The following SLC12A8 variants were observed in gnomAD, a reference collection of about 807,000 sequenced individuals.
SLC12A8 encodes solute carrier family 12 member 8, also known as cation-chloride cotransporter 9.
Under a neutral mutation model 75.6 loss-of-function variants are expected in SLC12A8, and 69 were observed. The ratio of observed to expected loss-of-function variants is 0.91; its 90% confidence interval spans 0.75 to 1.11. SLC12A8 has a LOEUF of 1.11. Among genes scored for constraint, SLC12A8 ranks in the 50% most tolerant of loss-of-function variants. SLC12A8 has a pLI of 0.00. For synonymous variants in SLC12A8, 365 were observed against 372.8 expected (o/e 0.98, Z 0.24); for missense variants, 877 against 896.7 (o/e 0.98, Z 0.28).
chr3:125,104,191 G>C (rs778012339), intron 10 of SLC12A8, among the ~76,000 whole-genome samples: 18 of 151,858 alleles, frequency 1.2e-4, no homozygotes, highest in Non-Finnish European at 1.9e-4. Context: ...TTGTAACTTT[G>C]AATTTCTGGG....
chr3:125,140,659 C>T (rs1005514145), intron 5 of SLC12A8, among the ~76,000 whole-genome samples: 1 of 152,188 alleles, frequency 6.6e-6, no homozygotes, highest in Non-Finnish European at 1.5e-5. Flanking sequence ...CACACTGACC[C>T]TCTGTAATCC....
chr3:125,092,760 C>G (rs1482040758), intron 10 of SLC12A8, among the ~76,000 whole-genome samples: 1 of 152,174 alleles, frequency 6.6e-6, no homozygotes, highest in African/African-American at 2.4e-5. Flanking sequence ...TGGCAATAAA[C>G]AAATGCATGA....
intron 12 of SLC12A8, among the ~76,000 whole-genome samples, chr3:125,090,795 C>T (rs1579460869): frequency 6.6e-6 from 1 of 152,072 alleles, no homozygotes; most frequent in Non-Finnish European, 1.5e-5. Flanking sequence ...TTACTTTTAA[C>T]ATGTTTGTGT....
At chr3:125,204,432 C>T (rs997731009) in intron 2 of SLC12A8, among the ~76,000 whole-genome samples, 4 of 152,096 alleles carry the variant, frequency 2.6e-5, no homozygotes, top group South Asian at 2.1e-4. Flanking sequence ...TGTGCAGCAA[C>T]GTGGATGGAA....
chr3:125,087,282 G>A (rs984854535), intron 13 of SLC12A8, among the ~76,000 whole-genome samples: 4 of 151,960 alleles, frequency 2.6e-5, no homozygotes, highest in African/African-American at 9.7e-5. Context: ...TAGTAGAGAT[G>A]GGGTTTCACT....
chr3:125,152,495 C>T (rs1409862580), intron 5 of SLC12A8, among the ~76,000 whole-genome samples: 6 of 152,086 alleles, frequency 3.9e-5, no homozygotes, highest in Non-Finnish European at 7.4e-5. Flanking sequence ...TTTATTTCTG[C>T]CAGTTCAAGA....
At position 125,207,976 on chromosome 3, in the gene SLC12A8, T is replaced by C. The variant is rs75928782; in HGVS notation, c.51+3323A>G. The stretch of plus-strand genomic sequence containing the variant: ...TTTAATCTCATAAAAACCCTGAGAA[T>C]CAGGTCCACTCACCCCATCACATAG... On this transcript the variant is annotated intron_variant, in intron 2 of 13. Coordinates refer to ENST00000469902, the MANE Select transcript of SLC12A8 (RefSeq NM_024628.6). 4.8e-3 allele frequency among the ~76,000 whole-genome samples: 731 copies of C among 152,280 alleles called. 4 individuals carry two copies. The highest frequency in any genetic ancestry group is 0.017 in the African/African-American group (702 of 41,550).
At chr3:125,092,230 T>C (rs1560048192) in intron 10 of SLC12A8, 32 bp from the exon 11 acceptor site, 2 of 1,508,512 alleles carry the variant, frequency 1.3e-6, no homozygotes, top group South Asian at 2.3e-5. Flanking sequence ...GGCTGCCAAA[T>C]TGCTATCAAC....
At chr3:125,102,314 C>T (rs1312828946) in intron 10 of SLC12A8, among the ~76,000 whole-genome samples, 1 of 152,064 alleles carries the variant, frequency 6.6e-6, no homozygotes, top group African/African-American at 2.4e-5. Context: ...GTGTTTAGGA[C>T]ATCAGTTTGG....
chr3:125,152,851 T>C (rs1299651474), intron 5 of SLC12A8, among the ~76,000 whole-genome samples: 1 of 152,172 alleles, frequency 6.6e-6, no homozygotes, highest in East Asian at 1.9e-4. Context: ...GGATTCCCTG[T>C]TTCATGAGGG....
chr3:125,199,399 A>G (rs1382537859), intron 2 of SLC12A8, among the ~76,000 whole-genome samples: 1 of 152,232 alleles, frequency 6.6e-6, no homozygotes, highest in Non-Finnish European at 1.5e-5. Context: ...AATAGGTTGC[A>G]AAACATTATG....
chr3:125,137,952 C>T (rs1455769188), intron 5 of SLC12A8, among the ~76,000 whole-genome samples: 4 of 152,022 alleles, frequency 2.6e-5, no homozygotes, highest in African/African-American at 9.7e-5. Context: ...CACTCACGCT[C>T]ACACTCACAC....
chr3:125,199,005 C>G lies in SLC12A8; in HGVS notation c.52-8484G>C, dbSNP rs189000353. 3.0e-3 allele frequency among the ~76,000 whole-genome samples: 463 copies of G among 152,114 alleles called. 4 individuals are homozygous for G. Among genetic ancestry groups the G allele is most frequent in the African/African-American group, 0.01 (431 of 41,514 alleles). ...GTGTTAGCCAGGATGGTCTCGATCTCCTGACCTCGTGATCCACCCTCCTTG... is the reference window on the plus strand; with the variant it reads ...GTGTTAGCCAGGATGGTCTCGATCTGCTGACCTCGTGATCCACCCTCCTTG... On this transcript the variant is annotated intron_variant, in intron 2 of 13. Coordinates refer to ENST00000469902, the MANE Select transcript of SLC12A8 (RefSeq NM_024628.6).
chr3:125,115,796 T>A (rs188492056), intron 8 of SLC12A8, among the ~76,000 whole-genome samples: 71 of 151,552 alleles, frequency 4.7e-4, no homozygotes, highest in South Asian at 1.0e-3. Context: ...ACCCACCCTG[T>A]CTCAGTGTCC....
At chr3:125,121,572 GTGCTTTACATGCAT>G (rs1933062440) in intron 6 of SLC12A8, among the ~76,000 whole-genome samples, 2 of 152,338 alleles carry the variant, frequency 1.3e-5, no homozygotes, top group African/African-American at 2.4e-5. Context: ...CCTGTGTCAA[GTGCTTTACATGCAT>G]TTTTTTATCC....
rs764247814 is a variant in SLC12A8 at position 125,187,315 on chromosome 3, A to G, written c.312T>C (p.Gly104=). 4.3e-6 allele frequency: 7 copies of G among 1,614,058 alleles called. No individual in the cohort carries two copies. In the Admixed American group the frequency reaches 1.2e-4, roughly 27 times the overall value. Residue 104 remains glycine, a synonymous_variant, in exon 4 of 14, where the codon GGT becomes GGC. Transcript: ENST00000469902. ...CCGAGGAGATCATGGAGTAGACGCC[A>G]CCGCTGCCGATGCTGCTGCGCTCCC... ...GVGERSSIGS[G]GVYSMISSVL...
chr3:125,172,905 G>A (rs1031001000), intron 5 of SLC12A8, among the ~76,000 whole-genome samples: 33 of 152,244 alleles, frequency 2.2e-4, no homozygotes, highest in Non-Finnish European at 4.1e-4. Flanking sequence ...CTGGTCAGGC[G>A]CAGTGGCTCA....
Position 125,118,782 on chromosome 3 carries a change from A to G in SLC12A8, c.899T>C (p.Leu300Pro), listed in dbSNP as rs745391490. 5.6e-6 allele frequency: 9 copies of G among 1,613,604 alleles called. No individual in the cohort carries two copies. The highest frequency in any genetic ancestry group is 1.7e-4 in the Middle Eastern group (1 of 6,038). The change falls in exon 8 of 14, where the codon CTG becomes CCG. Residue 300 changes from leucine (L) to proline (P), a missense_variant. By Grantham distance (98) the Leu-to-Pro change is moderately conservative. Transcript: ENST00000469902. ...CTREALRYDF[L>P]IAEKVSLMGF... ...GGCCTCACTCACCTTTTCCGCTATC[A>G]GGAAGTCATAGCGAAGGGCCTCTCG...
intron 10 of SLC12A8, among the ~76,000 whole-genome samples, chr3:125,105,850 T>G (rs1462567911): frequency 6.6e-6 from 1 of 152,024 alleles, no homozygotes; most frequent in Admixed American, 6.5e-5. Flanking sequence ...GCCAACATGG[T>G]GAAACCCCAT....
Sources: allele counts gnomAD v4.1 joint callset (sites outside exome capture counted in the v4.1 genomes callset), GRCh38; gene constraint gnomAD v4.1.1; transcripts MANE v1.5; gene names NCBI Gene and HGNC (gene_info 2026-07-23, HGNC 2026-07-21).